NDUFAF7: variants seen among roughly 807,000 people sequenced by gnomAD.
NDUFAF7 encodes NADH:ubiquinone oxidoreductase complex assembly factor 7.
A neutral mutation model predicts 47.2 loss-of-function variants in NDUFAF7; 48 were observed. The observed-to-expected ratio is 1.02, with a 90% CI of 0.81 to 1.29. The LOEUF (loss-of-function observed/expected upper bound fraction) is 1.29, where lower values mean the gene tolerates loss of function less well. NDUFAF7 is among the 50% of genes most tolerant of loss of function. The pLI is 0.00. For synonymous variants in NDUFAF7, 217 were observed against 190.0 expected, an observed-to-expected ratio of 1.14 and a Z score of -1.17; for missense variants, 635 against 537.6, an observed-to-expected ratio of 1.18 and a Z score of -1.79.
downstream of NDUFAF7, chr2:37,256,879 G>A: frequency 6.2e-7 from 1 of 1,613,914 alleles, no homozygotes; most frequent in South Asian, 1.1e-5. Flanking sequence ...CAGATCTCCT[G>A]AATGACTTTT....
the NDUFAF7 span, among the ~76,000 whole-genome samples, chr2:37,265,141 G>A: frequency 6.8e-6 from 1 of 147,016 alleles, no homozygotes; most frequent in Admixed American, 6.6e-5. Flanking sequence ...AGCCTTTCAG[G>A]TTTGGGTGAT....
downstream of NDUFAF7, among the ~76,000 whole-genome samples, chr2:37,255,115 G>A (rs1667828379): frequency 6.6e-6 from 1 of 152,204 alleles, no homozygotes; most frequent in Non-Finnish European, 1.5e-5. Context: ...TCTGATAGAA[G>A]AGGTCTACAG....
In NDUFAF7 at chr2:37,243,877, A is replaced by G. The variant is rs745332436; in HGVS notation, c.696A>G (p.Gly232=). Residue 232 remains glycine (G), a synonymous_variant, in exon 7 of 10, where the codon GGA becomes GGG. Coordinates refer to ENST00000002125, the MANE Select transcript of NDUFAF7 (RefSeq NM_144736.5). ...TTTGTGTTTAGAAAACACCACAGGG[A>G]TGGCGAGAAGTATTTGTTGACATTG... ...PVHKFQKTPQ[G]WREVFVDIDP... is the part of the protein sequence containing the mutation. 4.3e-6 allele frequency: 7 copies of G among 1,613,918 alleles called. No homozygotes were observed. In the East Asian group the frequency reaches 1.6e-4, roughly 36 times the overall value.
rs753609431 is a variant in NDUFAF7, at chr2:37,231,799, G to A, written c.55+39G>A. On this transcript the variant is annotated intron_variant, in intron 1 of 9. Transcript: ENST00000002125. ...CCCTCGAAGCCCGGTTGCCGTGGAA[G>A]CCGCGTGGGGCGCCTTCCTCAGCTC... 3.7e-6 allele frequency: 6 copies of A among 1,613,122 alleles called. No homozygotes were observed. In the African/African-American group the frequency reaches 4.0e-5, roughly 11 times the overall value.
At chr2:37,260,283 C>T in the NDUFAF7 span, 27 of 1,610,274 alleles carry the variant, frequency 1.7e-5, no homozygotes, top group Non-Finnish European at 2.0e-5. Flanking sequence ...TGGATAGAAT[C>T]ATTTCCAACA....
intron 4 of NDUFAF7, among the ~76,000 whole-genome samples, chr2:37,238,594 TA>T (rs879565237): frequency 0.014 from 2,046 of 143,786 alleles, 30 homozygotes; most frequent in African/African-American, 0.042. Context: ...CTTTTTATAT[TA>T]AAAAAAAAAA....
At chr2:37,235,717 C>T (rs944779711) in intron 2 of NDUFAF7, among the ~76,000 whole-genome samples, 2 of 151,900 alleles carry the variant, frequency 1.3e-5, no homozygotes, top group African/African-American at 4.8e-5. Flanking sequence ...TGCAGTGGCG[C>T]GATCTCGGCT....
chr2:37,253,156 T>G, downstream of NDUFAF7: 2 of 1,569,790 alleles, frequency 1.3e-6, no homozygotes, highest in Non-Finnish European at 1.7e-6. Flanking sequence ...AAATCCTTCC[T>G]TATTTAGGTT....
rs60098762 is a variant in NDUFAF7, at chr2:37,248,914, C to CAA, written c.*573_*574dup. The CAA allele has an allele frequency of 1.7e-3, 255 of 151,306 alleles. 1 individual carries two copies. Among genetic ancestry groups the CAA allele is most frequent in the Admixed American group, 3.7e-3 (58 of 15,530 alleles). 9.4% of individuals were successfully genotyped at this position (151,306 alleles called of 1,614,324 possible). A position where few individuals can be genotyped will look rare whatever the true frequency, so the allele number is the denominator to read the frequency against. The stretch of plus-strand genomic sequence containing the variant: ...GGGCAACAAGAGCAAAAATCCCTCT[C>CAA]AAAAAAAAAAGTAAACATGGGCACT... On this transcript the variant is annotated 3_prime_UTR_variant, in exon 10 of 10. Transcript: ENST00000002125.
chr2:37,253,112 C>T (rs985881487), downstream of NDUFAF7: 3 of 1,465,372 alleles, frequency 2.0e-6, no homozygotes, highest in Admixed American at 4.0e-5. Context: ...CTACAAAGAA[C>T]AAGTTACACA....
the NDUFAF7 span, among the ~76,000 whole-genome samples, chr2:37,262,435 TAAC>T: frequency 3.3e-5 from 5 of 152,280 alleles, no homozygotes; most frequent in Admixed American, 1.3e-4. Context: ...GAAAGTGAAA[TAAC>T]AACAAATGCA....
chr2:37,268,368 C>A, the NDUFAF7 span: 2 of 470,580 alleles, frequency 4.3e-6, no homozygotes, highest in African/African-American at 4.0e-5. Context: ...TTAAAACTGA[C>A]AAATCTGAAG....
the NDUFAF7 span, among the ~76,000 whole-genome samples, chr2:37,264,401 C>T: frequency 5.3e-5 from 8 of 151,972 alleles, no homozygotes; most frequent in East Asian, 3.9e-4. Flanking sequence ...TGCCTTGTCT[C>T]GCAGAGCTTA....
downstream of NDUFAF7, chr2:37,253,321 T>A (rs1667663193): frequency 6.2e-7 from 1 of 1,612,716 alleles, no homozygotes; most frequent in African/African-American, 1.3e-5. Flanking sequence ...GAGTTTCAAA[T>A]TCTCTAAGGT....
downstream of NDUFAF7, among the ~76,000 whole-genome samples, chr2:37,250,164 G>A (rs1667365479): frequency 1.3e-5 from 2 of 151,860 alleles, no homozygotes; most frequent in Non-Finnish European, 2.9e-5. Context: ...AAAGGAAGAC[G>A]GAGGCCTTGC....
At chr2:37,260,585 G>A in the NDUFAF7 span, among the ~76,000 whole-genome samples, 1 of 152,186 alleles carries the variant, frequency 6.6e-6, no homozygotes, top group African/African-American at 2.4e-5. Flanking sequence ...TAGCCGCACT[G>A]AGGGGATAGA....
At chr2:37,249,643 G>GAGACACACACACAC (rs1553361382), downstream of NDUFAF7, among the ~76,000 whole-genome samples, 3 of 132,524 alleles carry the variant, frequency 2.3e-5, no homozygotes, top group Admixed American at 1.6e-4. Flanking sequence ...CTGTGATAGA[G>GAGACACACACACAC]ACACACACAC....
chr2:37,242,142 T>C (rs919241350), intron 5 of NDUFAF7: 6 of 295,246 alleles, frequency 2.0e-5, no homozygotes, highest in African/African-American at 6.6e-5. Context: ...AGTTCAGTTA[T>C]AGAGTCTTTT....
At chr2:37,235,995 A>G (rs1158750889) in intron 2 of NDUFAF7, 101 bp from the exon 3 acceptor site, 1 of 1,053,026 alleles carries the variant, frequency 9.5e-7, no homozygotes, top group South Asian at 1.3e-5. Flanking sequence ...TTCTTACTAA[A>G]TAATTATTTC....
Sources: gnomAD v4.1 joint callset for allele counts (sites outside exome capture counted in the v4.1 genomes callset) on GRCh38, gnomAD v4.1.1 for gene constraint, MANE v1.5 for transcripts, NCBI Gene and HGNC (gene_info 2026-07-23, HGNC 2026-07-21) for gene names.